Variants in GRID2 observed in about 807,000 individuals in gnomAD.
GRID2 encodes the protein glutamate receptor ionotropic, delta-2.
GRID2 carries 33 observed loss-of-function variants against 114.8 expected under a neutral mutation model. That is an observed-to-expected ratio of 0.29 (90% CI 0.22 to 0.38). The LOEUF (loss-of-function observed/expected upper bound fraction) is 0.38, where lower values mean the gene tolerates loss of function less well. GRID2 is among the 10% of genes least tolerant of loss of function. The probability of loss-of-function intolerance (pLI) is 1.00; values close to 1 mark genes in which losing one functional copy is unlikely to be tolerated. For missense variants in GRID2, 1,184 were observed against 1,257.7 expected, an observed-to-expected ratio of 0.94 and a Z score of 0.89; for synonymous variants, 505 against 449.9, an observed-to-expected ratio of 1.12 and a Z score of -1.55.
At chr4:92,522,245 T>C (rs1056619359) in intron 1 of GRID2, among the ~76,000 whole-genome samples, 3 of 151,870 alleles carry the variant, frequency 2.0e-5, no homozygotes, top group African/African-American at 7.2e-5. Flanking sequence ...TAAGGTTAAA[T>C]TGTGCCTTGC....
At chr4:93,433,488 A>C (rs1172382482) in intron 10 of GRID2, among the ~76,000 whole-genome samples, 1 of 152,176 alleles carries the variant, frequency 6.6e-6, no homozygotes, top group Non-Finnish European at 1.5e-5. Flanking sequence ...AGTATCTAAG[A>C]AAGGCAAAAT....
intron 14 of GRID2, among the ~76,000 whole-genome samples, chr4:93,697,865 G>A (rs1727156471): frequency 4.0e-5 from 3 of 74,886 alleles, no homozygotes; most frequent in Admixed American, 3.3e-4. Context: ...ATTCCACAAT[G>A]TGTGTATATA....
intron 14 of GRID2, among the ~76,000 whole-genome samples, chr4:93,741,181 A>ATATATATATATATG (rs1230624012): frequency 1.8e-3 from 67 of 37,732 alleles, no homozygotes; most frequent in South Asian, 8.6e-3. Context: ...ATACATATAT[A>ATATATATATATATG]TATATATATA....
intron 10 of GRID2, among the ~76,000 whole-genome samples, chr4:93,441,445 CT>C (rs1242082302): frequency 6.6e-6 from 1 of 151,880 alleles, no homozygotes; most frequent in Non-Finnish European, 1.5e-5. Context: ...TTATTATAGC[CT>C]AGAAAGGTAG....
At chr4:92,428,406 T>G (rs1387507422) in intron 1 of GRID2, among the ~76,000 whole-genome samples, 3 of 152,126 alleles carry the variant, frequency 2.0e-5, no homozygotes, top group African/African-American at 7.2e-5. Context: ...CTCTCTTAAC[T>G]TCTGATATTT....
In GRID2 at chr4:92,655,623, T is replaced by C. The variant is rs182756372; in HGVS notation, c.244+65337T>C. ...GTTAAATTCATTTCTAAGTATTCTT[T>C]TTTTTTGTAGCCACTCTAAATGGGA... On this transcript the variant is annotated intron_variant, in intron 2 of 15. Transcript: ENST00000282020. Among the ~76,000 whole-genome samples, 92 of 152,026 alleles carry C rather than the reference T, an allele frequency of 6.1e-4. No individual in the cohort carries two copies. In the East Asian group the frequency reaches 0.017, roughly 28 times the overall value.
At chr4:93,157,534 T>C (rs1737297906) in intron 4 of GRID2, among the ~76,000 whole-genome samples, 1 of 151,752 alleles carries the variant, frequency 6.6e-6, no homozygotes, top group Admixed American at 6.6e-5. Flanking sequence ...TCGACATGCA[T>C]ATGTCTTTCA....
intron 8 of GRID2, among the ~76,000 whole-genome samples, chr4:93,298,671 C>T (rs1472058892): frequency 6.6e-6 from 1 of 152,232 alleles, no homozygotes; most frequent in Non-Finnish European, 1.5e-5. Flanking sequence ...CTTCAAATTT[C>T]AGCTTAATCA....
chr4:92,640,553 C>T (rs978117201), intron 2 of GRID2, among the ~76,000 whole-genome samples: 3 of 151,726 alleles, frequency 2.0e-5, no homozygotes, highest in Non-Finnish European at 4.4e-5. Context: ...GAAAGGATCT[C>T]TGCTTAGATT....
intron 2 of GRID2, among the ~76,000 whole-genome samples, chr4:92,694,201 AC>A (rs1253126896): frequency 6.6e-6 from 1 of 152,198 alleles, no homozygotes; most frequent in Non-Finnish European, 1.5e-5. Context: ...AGCAGGAAGC[AC>A]CTGGTTGGAA....
At chr4:92,972,986 AT>A (rs906889873) in intron 2 of GRID2, among the ~76,000 whole-genome samples, 1 of 152,066 alleles carries the variant, frequency 6.6e-6, no homozygotes, top group Admixed American at 6.6e-5. Flanking sequence ...GTGTAACACA[AT>A]TTTTTTAATC....
chr4:93,601,348 C>T (rs1000781804), intron 13 of GRID2, among the ~76,000 whole-genome samples: 26 of 152,150 alleles, frequency 1.7e-4, no homozygotes, highest in Non-Finnish European at 2.9e-4. Context: ...TCATATCCTA[C>T]CCAACATAAA....
At chr4:92,389,513 T>C (rs1190033495) in intron 1 of GRID2, among the ~76,000 whole-genome samples, 1 of 152,088 alleles carries the variant, frequency 6.6e-6, no homozygotes, top group Non-Finnish European at 1.5e-5. Context: ...AGGACCCATT[T>C]TAATATCTAA....
In GRID2 at chr4:92,899,967, G is replaced by A. The variant is rs572802726; in HGVS notation, c.245-185028G>A. 4.6e-5 allele frequency among the ~76,000 whole-genome samples: 7 copies of A among 152,268 alleles called. No homozygotes were observed. In the East Asian group the frequency reaches 1.4e-3, roughly 30 times the overall value. On this transcript the variant is annotated intron_variant, in intron 2 of 15. Transcript: ENST00000282020. The stretch of plus-strand genomic sequence containing the variant: ...AGGTGAGGGAATGGTCAAGAAATTA[G>A]ATGGGAGAGGAGTGTTCTAGAGATG...
At chr4:92,391,943 A>T (rs1730257706) in intron 1 of GRID2, among the ~76,000 whole-genome samples, 1 of 152,220 alleles carries the variant, frequency 6.6e-6, no homozygotes, top group Admixed American at 6.5e-5. Flanking sequence ...AAGGTATTTT[A>T]AAAAATGACC....
At chr4:93,410,936 C>T (rs1767069076) in intron 9 of GRID2, among the ~76,000 whole-genome samples, 1 of 152,160 alleles carries the variant, frequency 6.6e-6, no homozygotes, top group African/African-American at 2.4e-5. Context: ...AGTTTCATCC[C>T]TGGCCTTCAC....
chr4:93,431,941 G>T (rs1452912933), intron 10 of GRID2, among the ~76,000 whole-genome samples: 1 of 152,102 alleles, frequency 6.6e-6, no homozygotes, highest in Admixed American at 6.6e-5. Flanking sequence ...AATATAATGA[G>T]AATGTGTATG....
At chr4:93,417,465 A>T (rs1264078261) in intron 9 of GRID2, among the ~76,000 whole-genome samples, 1 of 152,100 alleles carries the variant, frequency 6.6e-6, no homozygotes, top group Non-Finnish European at 1.5e-5. Context: ...ACATTAATTA[A>T]TAAGTAGTAA....
At chr4:92,884,895 C>T in intron 2 of GRID2, 2 of 388,984 alleles carry the variant, frequency 5.1e-6, no homozygotes, top group South Asian at 2.2e-5. Flanking sequence ...GAGAATGGTA[C>T]TATCAATGTA....
Sources: gnomAD v4.1 joint callset for allele counts (sites outside exome capture counted in the v4.1 genomes callset) on GRCh38, gnomAD v4.1.1 for gene constraint, MANE v1.5 for transcripts, NCBI Gene and HGNC (gene_info 2026-07-23, HGNC 2026-07-21) for gene names.